DUSP2: variants seen among roughly 807,000 people sequenced by gnomAD.
DUSP2 encodes dual specificity phosphatase 2.
A neutral mutation model predicts 23.3 loss-of-function variants in DUSP2; 20 were observed. That is an observed-to-expected ratio of 0.86 (90% CI 0.60 to 1.25). The LOEUF (loss-of-function observed/expected upper bound fraction) is 1.25. Ranked by LOEUF, DUSP2 falls within the 50% of genes most tolerant of loss-of-function variation. The pLI, the probability that DUSP2 is intolerant of heterozygous loss-of-function variation, is 0.00. For missense variants in DUSP2, 435 were observed against 452.6 expected (o/e 0.96, Z 0.35); for synonymous variants, 231 against 209.7 (o/e 1.10, Z -0.88).
In DUSP2 at chr2:96,144,193, C is replaced by T. The variant is rs143940850; in HGVS notation, c.691G>A (p.Glu231Lys). The T allele has an allele frequency of 8.7e-6, 14 of 1,614,002 alleles. No homozygotes were observed. In the African/African-American group the frequency reaches 1.7e-4, roughly 20 times the overall value. The stretch of plus-strand genomic sequence containing the variant: ...GCCTCCTGGAACCAGGCACTGATCT[C>T]CACCATCTGGTTGTCCTCCACAGGG... ...SIPVEDNQMV[E>K]ISAWFQEAIG... Residue 231 changes from glutamate (E) to lysine (K), a missense_variant, in exon 3 of 4, where the codon GAG becomes AAG. Glu to Lys is a moderately conservative substitution (Grantham distance 56). Transcript: ENST00000288943.
In DUSP2 at chr2:96,144,217, G is replaced by T. The variant is rs745381899; in HGVS notation, c.667C>A (p.Pro223Thr). The T allele has an allele frequency of 6.2e-7, 1 of 1,614,144 alleles. No individual in the cohort carries two copies. The highest frequency in any genetic ancestry group is 1.1e-5 in the South Asian group (1 of 91,084). Residue 223 changes from proline to threonine, a missense_variant, in exon 3 of 4, where the codon CCT becomes ACT. By Grantham distance (38) the Pro-to-Thr change is conservative. Transcript: ENST00000288943. ...TCCACCATCTGGTTGTCCTCCACAG[G>T]GATACTCTTGTAGCGGAAAAGGCCC... ...FEGLFRYKSI[P>T]VEDNQMVEIS...
Position 96,143,795 on chromosome 2 carries a change from T to C in DUSP2, c.*28A>G, listed in dbSNP as rs767499624. 4 of 1,608,156 alleles carry C rather than the reference T, an allele frequency of 2.5e-6. No homozygotes were observed. Among genetic ancestry groups the C allele is most frequent in the Non-Finnish European group, 3.4e-6 (4 of 1,177,342 alleles). On this transcript the variant is annotated 3_prime_UTR_variant, in exon 4 of 4. Transcript: ENST00000288943. ...CCACAGTCAGCTCCTGCCAGCACAG[T>C]GGGGCAGGCAGGCAGAGGGGCACCA...
chr2:96,144,417 C>A (rs768679007), intron 2 of DUSP2, 44 bp from the exon 3 acceptor site: 1 of 1,587,562 alleles, frequency 6.3e-7, no homozygotes, highest in Non-Finnish European at 8.6e-7. Flanking sequence ...AGCCCAGCCC[C>A]GGAGAGCTGG....
At chr2:96,144,715 G>C (rs1410343073) in intron 2 of DUSP2, 46 bp downstream of exon 2, 23 of 1,484,526 alleles carry the variant, frequency 1.5e-5, no homozygotes, top group Non-Finnish European at 2.1e-5. Flanking sequence ...CGCCCAGTCC[G>C]CGGCGGGGAG....
Position 96,145,023 on chromosome 2 carries a change from A to G in DUSP2, c.332T>C (p.Leu111Pro). Residue 111 changes from leucine (L) to proline (P), a missense_variant, in exon 1 of 4, where the codon CTG becomes CCG. Physicochemically the swap from Leu to Pro is moderately conservative, Grantham distance 98. Coordinates refer to ENST00000288943, the MANE Select transcript of DUSP2 (RefSeq NM_004418.4). ...GCGGGTCTCGTGCAGCAGCGCGGCCAGCAGCACATGAGCCGGGCTGTCGGG... is the reference window on the plus strand; with the variant it reads ...GCGGGTCTCGTGCAGCAGCGCGGCCGGCAGCACATGAGCCGGGCTGTCGGG... ...LRPDSPAHVL[L>P]AALLHETRAG... 1 of 1,538,120 alleles carries G rather than the reference A, an allele frequency of 6.5e-7. No individual in the cohort carries two copies. The highest frequency in any genetic ancestry group is 1.2e-5 in the South Asian group (1 of 84,234).
chr2:96,144,494 C>G, intron 2 of DUSP2, 121 bp from the exon 3 acceptor site: 2 of 971,456 alleles, frequency 2.1e-6, no homozygotes, highest in Non-Finnish European at 3.1e-6. Context: ...GTCCTCCTGA[C>G]CTGAGACAGG....
At chr2:96,144,436 C>T in intron 2 of DUSP2, 63 bp from the exon 3 acceptor site, 4 of 1,540,258 alleles carry the variant, frequency 2.6e-6, no homozygotes, top group Admixed American at 1.8e-5. Context: ...GGAGCAGCAG[C>T]GGGTGGAGAC....
Position 96,144,803 on chromosome 2 carries a change from G to A in DUSP2, c.468C>T (p.Asp156=). The part of the protein sequence containing the change: ...APAPALPPTG[D]KTSRSDSRAP... The stretch of plus-strand genomic sequence containing the variant: ...CCCTGGAGTCGGAGCGGCTGGTTTT[G>A]TCCCCTGTTGGCGGCAGCGCAGGGG... The change falls in exon 2 of 4, where the codon GAC becomes GAT. Residue 156 remains aspartate, a synonymous_variant. Transcript: ENST00000288943. 6.3e-7 allele frequency: 1 copy of A among 1,581,292 alleles called. No homozygotes were observed. Among genetic ancestry groups the A allele is most frequent in the Non-Finnish European group, 8.6e-7 (1 of 1,165,278 alleles).
In DUSP2 at chr2:96,144,175, G is replaced by A. The variant is rs2104787730; in HGVS notation, c.709C>T (p.Gln237Ter). 6.2e-7 allele frequency: 1 copy of A among 1,614,124 alleles called. No homozygotes were observed. The highest frequency in any genetic ancestry group is 1.1e-5 in the South Asian group (1 of 91,084). ...NQMVEISAWFQEAIGFIDWVK... is the reference protein window; with the variant it reads ...NQMVEISAWF ...TTACCAATGAAGCCTATGGCCTCCT[G>A]GAACCAGGCACTGATCTCCACCATC... is the stretch of plus-strand genomic sequence containing the variant. Residue 237 changes from glutamine to a stop codon, truncating the protein, a stop_gained, in exon 3 of 4, where the codon CAG (glutamine) becomes TAG (stop). Coordinates refer to ENST00000288943, the MANE Select transcript of DUSP2 (RefSeq NM_004418.4). LOFTEE classifies it high-confidence loss of function.
chr2:96,144,723 G>A (rs760880863), intron 2 of DUSP2, 38 bp downstream of exon 2: 26 of 1,502,866 alleles, frequency 1.7e-5, no homozygotes, highest in Non-Finnish European at 2.2e-5. Flanking sequence ...CCGCGGCGGG[G>A]AGAGAGGGAG....
intron 2 of DUSP2, 101 bp from the exon 3 acceptor site, chr2:96,144,474 T>C (rs1452780497): frequency 8.5e-7 from 1 of 1,177,102 alleles, no homozygotes; most frequent in Admixed American, 2.3e-5. Context: ...ACAAGAGGAC[T>C]CCTCAGCCAG....
chr2:96,144,604 C>T, intron 2 of DUSP2, 157 bp downstream of exon 2: 1 of 777,958 alleles, frequency 1.3e-6, no homozygotes, highest in East Asian at 2.7e-5. Flanking sequence ...CACGCGCGAG[C>T]AGCCATGCCC....
chr2:96,143,818 C>A lies in DUSP2; in HGVS notation c.*5G>T. 6.2e-7 allele frequency: 1 copy of A among 1,612,120 alleles called. No individual in the cohort carries two copies. Among genetic ancestry groups the A allele is most frequent in the East Asian group, 2.2e-5 (1 of 44,864 alleles). ...AGTGGGGCAGGCAGGCAGAGGGGCA[C>A]CACCTCAGTGACACAGCACCTGGGT... On this transcript the variant is annotated 3_prime_UTR_variant, in exon 4 of 4. Transcript: ENST00000288943.
chr2:96,144,392 C>A lies in DUSP2; in HGVS notation c.511-19G>T, dbSNP rs1328368735. 6.2e-7 allele frequency: 1 copy of A among 1,605,102 alleles called. No individual in the cohort carries two copies. The highest frequency in any genetic ancestry group is 1.7e-5 in the Admixed American group (1 of 59,790). On this transcript the variant is annotated intron_variant, in intron 2 of 3. Transcript: ENST00000288943. Reference sequence around the variant, plus strand: ...GGCCACCCTGGAGGGAACAGAGGGGCGGTGAGGCCTTTCCAGCCCAGCCCC... The same window carrying A: ...GGCCACCCTGGAGGGAACAGAGGGGAGGTGAGGCCTTTCCAGCCCAGCCCC...
intron 2 of DUSP2, 102 bp downstream of exon 2, chr2:96,144,659 G>T: frequency 8.7e-7 from 1 of 1,144,032 alleles, no homozygotes. Flanking sequence ...GTGTGTATAT[G>T]GGCAAACTGC....
At position 96,145,340 on chromosome 2, in the gene DUSP2, C is replaced by T. The variant is rs747677932; in HGVS notation, c.15G>A (p.Ala5=). The change falls in exon 1 of 4, where the codon GCG becomes GCA. Residue 5 remains alanine, a synonymous_variant. Coordinates refer to ENST00000288943, the MANE Select transcript of DUSP2 (RefSeq NM_004418.4). ...GCGCCGCGCACTCCAGCTCGCGCGC[C>T]GCCTCCAGCCCCATGGCCACCGGTG... is the stretch of plus-strand genomic sequence containing the variant. MGLE[A]ARELECAALG... is the part of the protein sequence containing the mutation. 1 of 1,422,428 alleles carries T rather than the reference C, an allele frequency of 7.0e-7. No homozygotes were observed. Among genetic ancestry groups the T allele is most frequent in the African/African-American group, 1.5e-5 (1 of 67,496 alleles). The allele number at this position is 1,422,428 out of a possible 1,614,324, so 88.1% of individuals were successfully genotyped here.
chr2:96,144,229 A>G lies in DUSP2; in HGVS notation c.655T>C (p.Tyr219His), dbSNP rs749202296. Residue 219 changes from tyrosine to histidine, a missense_variant, in exon 3 of 4, where the codon TAC (tyrosine) becomes CAC (histidine). Physicochemically the swap from Tyr to His is moderately conservative, Grantham distance 83. Transcript: ENST00000288943. ...CPNHFEGLFR[Y>H]KSIPVEDNQM... ...TTGTCCTCCACAGGGATACTCTTGTAGCGGAAAAGGCCCTCAAAGTGGTTG... is the reference window on the plus strand; with the variant it reads ...TTGTCCTCCACAGGGATACTCTTGTGGCGGAAAAGGCCCTCAAAGTGGTTG... 6 of 1,614,138 alleles carry G rather than the reference A, an allele frequency of 3.7e-6. No individual in the cohort carries two copies. The highest frequency in any genetic ancestry group is 5.1e-6 in the Non-Finnish European group (6 of 1,180,046).
Position 96,145,064 on chromosome 2 carries a change from C to G in DUSP2, c.291G>C (p.Ser97=). ...RAVVLDEGSA[S]VAELRPDSPA... is the part of the protein sequence containing the mutation. ...GGCTGTCGGGCCGGAGCTCCGCCAC[C>G]GAGGCACTGCCCTCGTCCAGCACCA... The change falls in exon 1 of 4, where the codon TCG becomes TCC. Residue 97 remains serine, a synonymous_variant. Coordinates refer to ENST00000288943, the MANE Select transcript of DUSP2 (RefSeq NM_004418.4). The G allele has an allele frequency of 6.6e-7, 1 of 1,522,044 alleles. No individual in the cohort carries two copies. Among genetic ancestry groups the G allele is most frequent in the Non-Finnish European group, 8.8e-7 (1 of 1,140,872 alleles). The allele number at this position is 1,522,044 out of a possible 1,614,324, so 94.3% of individuals were successfully genotyped here.
At position 96,143,522 on chromosome 2, in the gene DUSP2, G is replaced by A; in HGVS notation, c.*301C>T. The A allele has an allele frequency of 2.9e-6, 1 of 347,238 alleles. No homozygotes were observed. Among genetic ancestry groups the A allele is most frequent in the East Asian group, 5.8e-5 (1 of 17,204 alleles). The allele number at this position is 347,238 out of a possible 1,614,324, so 21.5% of individuals were successfully genotyped here. A position where few individuals can be genotyped will look rare whatever the true frequency, so the allele number is the denominator to read the frequency against. On this transcript the variant is annotated 3_prime_UTR_variant, in exon 4 of 4. Transcript: ENST00000288943. Reference sequence around the variant, plus strand: ...GGGCTTCAACATGGTGGTGGACCAGGGAGAGTCCACGGTATAGCGTCTAGC... The same window carrying A: ...GGGCTTCAACATGGTGGTGGACCAGAGAGAGTCCACGGTATAGCGTCTAGC...
Sources: gnomAD v4.1 joint callset for allele counts on GRCh38, gnomAD v4.1.1 for gene constraint, MANE v1.5 for transcripts, NCBI Gene and HGNC (gene_info 2026-07-23, HGNC 2026-07-21) for gene names.